The following PARD6G variants were observed in gnomAD, a reference collection of about 807,000 sequenced individuals.
The protein encoded by PARD6G is partitioning defective 6 homolog gamma.
In PARD6G, 7 loss-of-function variants were observed where a neutral mutation model predicts 10.7. The ratio of observed to expected loss-of-function variants is 0.66; its 90% confidence interval spans 0.37 to 1.23. The LOEUF (loss-of-function observed/expected upper bound fraction) is 1.23. Ranked by LOEUF, PARD6G falls within the 50% of genes most tolerant of loss-of-function variation. PARD6G has a pLI of 0.02. For synonymous variants in PARD6G, 287 were observed against 269.4 expected, an observed-to-expected ratio of 1.07 and a Z score of -0.64; for missense variants, 548 against 571.8, an observed-to-expected ratio of 0.96 and a Z score of 0.42.
Position 80,159,968 on chromosome 18 carries a change from G to T in PARD6G, c.934C>A (p.Pro312Thr), listed in dbSNP as rs545623567. 1 of 1,500,300 alleles carries T rather than the reference G, an allele frequency of 6.7e-7. No individual in the cohort carries two copies. Among genetic ancestry groups the T allele is most frequent in the Non-Finnish European group, 8.8e-7 (1 of 1,134,344 alleles). The allele number at this position is 1,500,300 out of a possible 1,614,324, so 92.9% of individuals were successfully genotyped here. A position where few individuals can be genotyped will look rare whatever the true frequency, so the allele number is the denominator to read the frequency against. ...GCGGGCGCGCCCGGGGTCTGGGGGGGACGTGCAGGCTCCAGTGTGCCCTCG... is the reference window on the plus strand; with the variant it reads ...GCGGGCGCGCCCGGGGTCTGGGGGGTACGTGCAGGCTCCAGTGTGCCCTCG... ...VIEGTLEPAR[P>T]PQTPGAPAGS... is the part of the protein sequence containing the mutation. The change falls in exon 3 of 3, where the codon CCC becomes ACC. Residue 312 changes from proline (P) to threonine (T), a missense_variant. Coordinates refer to ENST00000353265, the MANE Select transcript of PARD6G (RefSeq NM_032510.4).
chr18:80,244,018 C>A (rs1267795860), intron 1 of PARD6G, among the ~76,000 whole-genome samples: 1 of 152,102 alleles, frequency 6.6e-6, no homozygotes, highest in African/African-American at 2.4e-5. Context: ...TAGGTAAAGG[C>A]GTTGCTAAGT....
intron 1 of PARD6G, among the ~76,000 whole-genome samples, chr18:80,203,186 C>T (rs1442557134): frequency 3.9e-5 from 6 of 152,094 alleles, no homozygotes; most frequent in African/African-American, 1.4e-4. Context: ...CTGCTGGATC[C>T]AATGGTAACT....
chr18:80,186,896 A>T (rs1469796748), intron 2 of PARD6G, among the ~76,000 whole-genome samples: 2 of 152,164 alleles, frequency 1.3e-5, no homozygotes, highest in African/African-American at 4.8e-5. Flanking sequence ...CGGGAAATCA[A>T]GACCATCCTG....
At chr18:80,226,159 T>A (rs2886353) in intron 1 of PARD6G, among the ~76,000 whole-genome samples, 1 of 22,344 alleles carries the variant, frequency 4.5e-5, no homozygotes, top group Non-Finnish European at 1.0e-4. Context: ...CAGTTTTTTT[T>A]TTTTTTTTTT....
intron 2 of PARD6G, among the ~76,000 whole-genome samples, chr18:80,164,419 A>G (rs2052721664): frequency 6.6e-6 from 1 of 152,170 alleles, no homozygotes; most frequent in Non-Finnish European, 1.5e-5. Context: ...CCATGTGTCT[A>G]AAAGGCTCCA....
chr18:80,220,199 G>A (rs1967214440), intron 1 of PARD6G, among the ~76,000 whole-genome samples: 1 of 152,124 alleles, frequency 6.6e-6, no homozygotes, highest in Non-Finnish European at 1.5e-5. Context: ...CAAAGTTGGG[G>A]GAAAGCCCCC....
intron 1 of PARD6G, among the ~76,000 whole-genome samples, chr18:80,213,366 C>T (rs1327582946): frequency 2.0e-5 from 3 of 152,162 alleles, no homozygotes; most frequent in Non-Finnish European, 4.4e-5. Flanking sequence ...TTACATCTGA[C>T]TCTGGGGTTC....
At chr18:80,226,349 T>C (rs1470887189) in intron 1 of PARD6G, among the ~76,000 whole-genome samples, 8 of 151,926 alleles carry the variant, frequency 5.3e-5, no homozygotes, top group African/African-American at 1.9e-4. Flanking sequence ...TTTGCATTTT[T>C]AGTAGAGACG....
Position 80,247,202 on chromosome 18 carries a change from T to C in PARD6G, c.72+75A>G. 3.2e-6 allele frequency: 4 copies of C among 1,235,672 alleles called. No homozygotes were observed. Among genetic ancestry groups the C allele is most frequent in the Admixed American group, 2.2e-5 (1 of 44,578 alleles). The allele number at this position is 1,235,672 out of a possible 1,614,324, so 76.5% of individuals were successfully genotyped here. A position where few individuals can be genotyped will look rare whatever the true frequency, so the allele number is the denominator to read the frequency against. On this transcript the variant is annotated intron_variant, in intron 1 of 2. Coordinates refer to ENST00000353265, the MANE Select transcript of PARD6G (RefSeq NM_032510.4). This position sits in a 1 kb window ranked among gnomAD's most constrained non-coding sequence, Gnocchi z 4.2. ...GCCTGTCGCCTCCACGCCGCCCCAGTCCCCCTCCGCGGGGCGCCCCATTCA... is the reference window on the plus strand; with the variant it reads ...GCCTGTCGCCTCCACGCCGCCCCAGCCCCCCTCCGCGGGGCGCCCCATTCA...
intron 2 of PARD6G, among the ~76,000 whole-genome samples, chr18:80,177,082 GCACACA>G (rs1217419393): frequency 2.9e-5 from 3 of 104,408 alleles, no homozygotes; most frequent in East Asian, 5.8e-4. Flanking sequence ...TGGAAAGCGC[GCACACA>G]CACACACACG....
chr18:80,185,421 T>G (rs912733443), intron 2 of PARD6G, among the ~76,000 whole-genome samples: 1 of 152,098 alleles, frequency 6.6e-6, no homozygotes, highest in Non-Finnish European at 1.5e-5. Context: ...ACTACAGGCA[T>G]GCTCCACCAC....
chr18:80,229,862 GAGGGCAGTGTGGGCGGCCAGGCAAAC>G (rs1289277110), intron 1 of PARD6G, among the ~76,000 whole-genome samples: 1 of 151,072 alleles, frequency 6.6e-6, no homozygotes, highest in Non-Finnish European at 1.5e-5. Flanking sequence ...CAGGAATGAG[GAGGGCAGTGTGGGCGGCCAGGCAAAC>G]AGGACTGTGT....
intron 1 of PARD6G, among the ~76,000 whole-genome samples, chr18:80,207,124 G>A (rs1465632614): frequency 9.0e-6 from 1 of 111,544 alleles, no homozygotes; most frequent in Admixed American, 9.1e-5. Context: ...TGGATGGCTA[G>A]TGATTATCAA....
chr18:80,190,801 G>T (rs1966891009), intron 2 of PARD6G, among the ~76,000 whole-genome samples: 2 of 152,142 alleles, frequency 1.3e-5, no homozygotes, highest in Non-Finnish European at 2.9e-5. Context: ...GCAGCCCCTG[G>T]AACTCTTTCT....
chr18:80,217,204 A>G (rs1157314500), intron 1 of PARD6G, among the ~76,000 whole-genome samples: 1 of 152,248 alleles, frequency 6.6e-6, no homozygotes, highest in Non-Finnish European at 1.5e-5. Context: ...AGCAAGTAGT[A>G]TTAGATTATA....
chr18:80,172,637 G>C (rs545661311), intron 2 of PARD6G, among the ~76,000 whole-genome samples: 6 of 152,144 alleles, frequency 3.9e-5, no homozygotes, highest in Non-Finnish European at 7.4e-5. Context: ...TGCCTGCCTC[G>C]TTCTCCCAAA....
intron 1 of PARD6G, among the ~76,000 whole-genome samples, chr18:80,244,633 C>A (rs1336696719): frequency 6.6e-6 from 1 of 152,256 alleles, no homozygotes; most frequent in East Asian, 1.9e-4. Flanking sequence ...AGGTATCATG[C>A]CCATTTTACA....
rs185382504 is a variant in PARD6G at position 80,196,180 on chromosome 18, A to G, written c.295+6530T>C. Among the ~76,000 whole-genome samples, 9 of 152,318 alleles carry G rather than the reference A, an allele frequency of 5.9e-5. No individual in the cohort carries two copies. The East Asian group carries it at 1.2e-3, about 20-fold the overall frequency. On this transcript the variant is annotated intron_variant, in intron 2 of 2. Coordinates refer to ENST00000353265, the MANE Select transcript of PARD6G (RefSeq NM_032510.4). ...ATGTCCACCATTGATGTATGTCTAC[A>G]TACATCTACAAAAAGACAAAAAATA... is the stretch of plus-strand genomic sequence containing the variant.
intron 1 of PARD6G, among the ~76,000 whole-genome samples, chr18:80,227,671 C>T (rs1012889922): frequency 3.3e-5 from 5 of 152,252 alleles, no homozygotes; most frequent in Admixed American, 2.6e-4. Context: ...GTGTTCCACA[C>T]TGGCGACTGC....
Sources: allele counts gnomAD v4.1 joint callset (sites outside exome capture counted in the v4.1 genomes callset), GRCh38; gene constraint gnomAD v4.1.1; non-coding constraint Gnocchi (gnomAD v3.1); transcripts MANE v1.5; gene names NCBI Gene and HGNC (gene_info 2026-07-23, HGNC 2026-07-21).